Variants in CEP350 observed in about 807,000 individuals in gnomAD.
CEP350 encodes centrosome-associated protein 350.
CEP350 carries 126 observed loss-of-function variants against 331.8 expected under a neutral mutation model. The observed-to-expected ratio is 0.38, with a 90% CI of 0.33 to 0.44. CEP350 has a LOEUF of 0.44. Among genes scored for constraint, CEP350 ranks in the 20% least tolerant of loss-of-function variants. CEP350 has a pLI of 1.00. For synonymous variants in CEP350, 1,200 were observed against 1,259.5 expected (o/e 0.95, Z 1.00); for missense variants, 3,406 against 3,634.6 (o/e 0.94, Z 1.62).
chr1:180,103,824 G>A (rs1660971016), intron 37 of CEP350, among the ~76,000 whole-genome samples: 1 of 151,554 alleles, frequency 6.6e-6, no homozygotes, highest in Admixed American at 6.6e-5. Context: ...GTTAGTCATA[G>A]CGCTTGCCCC....
At chr1:179,998,377 C>T (rs1410102679) in intron 6 of CEP350, among the ~76,000 whole-genome samples, 3 of 147,748 alleles carry the variant, frequency 2.0e-5, no homozygotes, top group Admixed American at 6.8e-5. Context: ...GGCATGATCT[C>T]GGCCCACTGC....
chr1:179,963,085 T>C (rs532304455), intron 1 of CEP350, among the ~76,000 whole-genome samples: 8 of 152,344 alleles, frequency 5.3e-5, no homozygotes, highest in African/African-American at 1.7e-4. Context: ...TTTTTTCATA[T>C]GTTTGTTGGC....
chr1:179,968,840 T>C (rs1651218479), intron 1 of CEP350: 7 of 715,160 alleles, frequency 9.8e-6, no homozygotes, highest in Non-Finnish European at 1.8e-5. Context: ...GCTCGTGCCA[T>C]TGTTACCTTT....
At position 180,087,692 on chromosome 1, in the gene CEP350, A is replaced by C. The variant is rs966032829; in HGVS notation, c.6400A>C (p.Ile2134Leu). Residue 2134 changes from isoleucine (I) to leucine (L), a missense_variant, in exon 32 of 38, where the codon ATC becomes CTC. Ile to Leu is a conservative substitution (Grantham distance 5, BLOSUM62 2). Coordinates refer to ENST00000367607, the MANE Select transcript of CEP350 (RefSeq NM_014810.5). The part of the protein sequence containing the change: ...TLSSASEKPK[I>L]KPLTPLHRSE... ...CTCCTCAGCTTCTGAAAAACCCAAG[A>C]TCAAACCCCTCACACCACTACACAG... 1 of 1,585,022 alleles carries C rather than the reference A, an allele frequency of 6.3e-7. No individual in the cohort carries two copies. The highest frequency in any genetic ancestry group is 1.3e-5 in the African/African-American group (1 of 74,318).
At chr1:179,986,123 G>A (rs1189650829) in intron 1 of CEP350, 46 bp from the exon 2 acceptor site, 5 of 1,398,568 alleles carry the variant, frequency 3.6e-6, no homozygotes, top group Non-Finnish European at 3.9e-6. Context: ...CTAAGGAAAA[G>A]TAATATTATA....
intron 31 of CEP350, among the ~76,000 whole-genome samples, chr1:180,084,557 T>G (rs1659748068): frequency 6.6e-6 from 1 of 152,064 alleles, no homozygotes. Context: ...GTAGAGACAG[T>G]GTTTCACTGT....
At chr1:180,015,776 T>C in intron 10 of CEP350, 73 bp from the exon 11 acceptor site, 1 of 1,508,578 alleles carries the variant, frequency 6.6e-7, no homozygotes, top group African/African-American at 1.4e-5. Flanking sequence ...GGTGACTTAA[T>C]GTTTAACTTA....
At chr1:180,074,832 A>G (rs1659121395) in intron 27 of CEP350, among the ~76,000 whole-genome samples, 190 bp from the exon 28 acceptor site, 1 of 152,220 alleles carries the variant, frequency 6.6e-6, no homozygotes, top group African/African-American at 2.4e-5. Flanking sequence ...TAAAACATAA[A>G]TTCCCTCATT....
chr1:180,011,994 G>A lies in CEP350; in HGVS notation c.1312G>A (p.Gly438Arg), dbSNP rs1654691542. ...ACAAAAATTAGTAAAGAAGATTCTG[G>A]GACCTGCTCCCAGAATGGAGCCAAA... ...DGQKLVKKIL[G>R]PAPRMEPKEQ... The change falls in exon 9 of 38, where the codon GGA becomes AGA. Residue 438 changes from glycine (G) to arginine (R), a missense_variant. Gly to Arg is a moderately radical substitution (Grantham distance 125, BLOSUM62 -2). Around this residue, in one of 5 missense-constraint regions of CEP350, gnomAD observed 1,857 missense variants for 1,909.2 expected, o/e 0.97. Transcript: ENST00000367607. 6.3e-7 allele frequency: 1 copy of A among 1,593,008 alleles called. No homozygotes were observed. The highest frequency in any genetic ancestry group is 8.6e-7 in the Non-Finnish European group (1 of 1,168,560).
intron 7 of CEP350, among the ~76,000 whole-genome samples, chr1:180,004,857 G>A (rs1424167826): frequency 1.4e-5 from 2 of 147,154 alleles, no homozygotes; most frequent in East Asian, 3.9e-4. Context: ...TCAGAGCTTG[G>A]GCAGGCAGGC....
In CEP350 at chr1:180,095,715, C is replaced by T. The variant is rs1251971873; in HGVS notation, c.8704C>T (p.Pro2902Ser). ...EETIVPLMAE[P>S]KRVTQQPCET... Reference sequence around the variant, plus strand: ...AACCATTGTACCTCTAATGGCAGAACCTAAAAGAGTAACCCAACAACCATG... The same window carrying T: ...AACCATTGTACCTCTAATGGCAGAATCTAAAAGAGTAACCCAACAACCATG... The change falls in exon 35 of 38, where the codon CCT becomes TCT. Residue 2902 changes from proline to serine, a missense_variant. By Grantham distance (74) the Pro-to-Ser change is moderately conservative. Coordinates refer to ENST00000367607, the MANE Select transcript of CEP350 (RefSeq NM_014810.5). 1.9e-6 allele frequency: 3 copies of T among 1,613,946 alleles called. No individual in the cohort carries two copies. The highest frequency in any genetic ancestry group is 2.2e-5 in the East Asian group (1 of 44,882).
chr1:180,055,305 A>G (rs150737759), intron 25 of CEP350, among the ~76,000 whole-genome samples: 2 of 152,216 alleles, frequency 1.3e-5, no homozygotes, highest in African/African-American at 4.8e-5. Context: ...ATTATACTTC[A>G]TATAGTGGTT....
At chr1:180,046,705 TA>T (rs1387738042) in intron 21 of CEP350, among the ~76,000 whole-genome samples, 3 of 152,206 alleles carry the variant, frequency 2.0e-5, no homozygotes, top group Middle Eastern at 3.2e-3. Flanking sequence ...TCCCACCACG[TA>T]AAATTTTTCT....
chr1:180,003,044 A>G (rs777600700), intron 6 of CEP350, 130 bp from the exon 7 acceptor site: 5 of 623,128 alleles, frequency 8.0e-6, no homozygotes, highest in African/African-American at 1.8e-5. Context: ...ATATACTATA[A>G]ACCACTGAAT....
rs1238141754 is a variant in CEP350 at position 180,080,681 on chromosome 1, G to A, written c.6124+20G>A. On this transcript the variant is annotated intron_variant, in intron 30 of 37. Transcript: ENST00000367607. ...AGTCAGGTAAGACTAATCATGAGGA[G>A]TTTTTATTTGTGTTGTATTTGAACA... 1.2e-6 allele frequency: 2 copies of A among 1,607,240 alleles called. No homozygotes were observed. The highest frequency in any genetic ancestry group is 1.3e-5 in the African/African-American group (1 of 74,754).
chr1:180,007,595 G>T lies in CEP350; in HGVS notation c.1246+1028G>T, dbSNP rs61826331. Among the ~76,000 whole-genome samples the T allele has an allele frequency of 3.2e-3, 483 of 152,244 alleles. 2 individuals carry two copies. The highest frequency in any genetic ancestry group is 0.017 in the Middle Eastern group (5 of 294). ...TGATAGTTTCTTTTGCTGTACAGAAGCTCTTCAGTTTAATTAGATCCTATT... is the reference window on the plus strand; with the variant it reads ...TGATAGTTTCTTTTGCTGTACAGAATCTCTTCAGTTTAATTAGATCCTATT... On this transcript the variant is annotated intron_variant, in intron 8 of 37. Transcript: ENST00000367607.
At chr1:179,965,207 G>C (rs1377280031) in intron 1 of CEP350, among the ~76,000 whole-genome samples, 2 of 152,132 alleles carry the variant, frequency 1.3e-5, no homozygotes, top group Non-Finnish European at 2.9e-5. Context: ...TTGTGGTTTT[G>C]AGAGTTCCTT....
chr1:180,014,453 A>G lies in CEP350; in HGVS notation c.2000A>G (p.Glu667Gly). The change falls in exon 10 of 38, where the codon GAA (glutamate) becomes GGA (glycine). Residue 667 changes from glutamate to glycine, a missense_variant. Coordinates refer to ENST00000367607, the MANE Select transcript of CEP350 (RefSeq NM_014810.5). ...LQETYSKLLL[E>G]KTLLEEPSHQ... is the part of the protein sequence containing the mutation. Reference sequence around the variant, plus strand: ...GAAACTTACTCCAAATTGCTACTAGAAAAGACCTTGCTTGAAGAGCCATCT... The same window carrying G: ...GAAACTTACTCCAAATTGCTACTAGGAAAGACCTTGCTTGAAGAGCCATCT... 1 of 1,610,208 alleles carries G rather than the reference A, an allele frequency of 6.2e-7. No individual in the cohort carries two copies. Among genetic ancestry groups the G allele is most frequent in the Non-Finnish European group, 8.5e-7 (1 of 1,178,538 alleles).
chr1:180,087,479 T>C, intron 31 of CEP350, 99 bp from the exon 32 acceptor site: 1 of 1,119,814 alleles, frequency 8.9e-7, no homozygotes, highest in East Asian at 2.8e-5. Context: ...TACATCTTCT[T>C]TACTGTTTGA....
Sources: gnomAD v4.1 joint callset for allele counts (sites outside exome capture counted in the v4.1 genomes callset) on GRCh38, gnomAD v4.1.1 for gene constraint, gnomAD v4.1.1 regional missense constraint, MANE v1.5 for transcripts, NCBI Gene and HGNC (gene_info 2026-07-23, HGNC 2026-07-21) for gene names.